The following GABRG1 variants were observed in gnomAD, a reference collection of about 807,000 sequenced individuals.
GABRG1 encodes gamma-aminobutyric acid receptor subunit gamma-1.
GABRG1 carries 49 observed loss-of-function variants against 49.8 expected under a neutral mutation model. That is an observed-to-expected ratio of 0.98 (90% CI 0.78 to 1.25). The LOEUF is 1.25. GABRG1 is among the 50% of genes most tolerant of loss of function. The pLI, the probability that GABRG1 is intolerant of heterozygous loss-of-function variation, is 0.00. For synonymous variants in GABRG1, 232 were observed against 185.1 expected, an observed-to-expected ratio of 1.25 and a Z score of -2.06; for missense variants, 552 against 552.3, an observed-to-expected ratio of 1.00 and a Z score of 0.01.
intron 3 of GABRG1, among the ~76,000 whole-genome samples, chr4:46,070,783 CT>C (rs1354355613): frequency 4.6e-5 from 7 of 152,198 alleles, no homozygotes; most frequent in African/African-American, 7.2e-5. Flanking sequence ...CAAAGGCAGT[CT>C]GCAGCCTGAG....
chr4:46,063,935 C>T (rs1718810247), intron 5 of GABRG1, among the ~76,000 whole-genome samples: 1 of 152,078 alleles, frequency 6.6e-6, no homozygotes. Flanking sequence ...ATGAATCAAT[C>T]TTTTTTAATT....
rs1577674851 is a variant in GABRG1, at chr4:46,119,349, AT to A, written c.104+4460del. On this transcript the variant is annotated intron_variant, in intron 1 of 8. Transcript: ENST00000295452. ...TGTTCATTGTTTTGACTTATATTGCATTCATAATCTGAGAGATGTGGTAGTT... is the reference window on the plus strand; with the variant it reads ...TGTTCATTGTTTTGACTTATATTGCATCATAATCTGAGAGATGTGGTAGTT... Among the ~76,000 whole-genome samples, 5 of 151,444 alleles carry A rather than the reference AT, an allele frequency of 3.3e-5. No individual in the cohort carries two copies. The East Asian group carries it at 9.7e-4, about 29-fold the overall frequency.
rs1206780349 is a variant in GABRG1 at position 46,036,718 on chromosome 4, T to A, written c.*4270A>T. The A allele has an allele frequency of 6.6e-6, 1 of 151,966 alleles. No homozygotes were observed. The highest frequency in any genetic ancestry group is 2.4e-5 in the African/African-American group (1 of 41,424). The allele number at this position is 151,966 out of a possible 1,614,324, so 9.4% of individuals were successfully genotyped here. On this transcript the variant is annotated 3_prime_UTR_variant, in exon 9 of 9. Transcript: ENST00000295452. The stretch of plus-strand genomic sequence containing the variant: ...CGGATTTCATCCTCATATTAGCCAC[T>A]ATAAGCTTATACGCCTAACTGGCTT...
Position 46,040,695 on chromosome 4 carries a change from A to G in GABRG1, c.*293T>C. 1.0e-5 allele frequency: 2 copies of G among 198,176 alleles called. No individual in the cohort carries two copies. The highest frequency in any genetic ancestry group is 2.0e-5 in the Non-Finnish European group (2 of 98,950). The allele number at this position is 198,176 out of a possible 1,614,324, so 12.3% of individuals were successfully genotyped here. Reference sequence around the variant, plus strand: ...TTATTCCATCTTTAAAACATGAATCATAGAACTTAAAAATTCAAAATTATA... The same window carrying G: ...TTATTCCATCTTTAAAACATGAATCGTAGAACTTAAAAATTCAAAATTATA... On this transcript the variant is annotated 3_prime_UTR_variant, in exon 9 of 9. Coordinates refer to ENST00000295452, the MANE Select transcript of GABRG1 (RefSeq NM_173536.4).
intron 1 of GABRG1, among the ~76,000 whole-genome samples, chr4:46,105,308 A>G (rs1720497263): frequency 6.6e-6 from 1 of 151,490 alleles, no homozygotes; most frequent in East Asian, 2.0e-4. Context: ...AAAGAAAACG[A>G]AAAAACCAAA....
intron 7 of GABRG1, among the ~76,000 whole-genome samples, chr4:46,056,912 A>C (rs1212474537): frequency 6.6e-6 from 1 of 152,064 alleles, no homozygotes; most frequent in Non-Finnish European, 1.5e-5. Flanking sequence ...TTTATGCAAA[A>C]ACGACTTCAC....
intron 3 of GABRG1, among the ~76,000 whole-genome samples, chr4:46,083,334 C>G (rs1469028997): frequency 6.6e-6 from 1 of 151,632 alleles, no homozygotes; most frequent in Non-Finnish European, 1.5e-5. Flanking sequence ...GGACTCTTAC[C>G]TCCATCTTCT....
At chr4:46,074,596 T>C (rs966520361) in intron 3 of GABRG1, among the ~76,000 whole-genome samples, 3 of 152,146 alleles carry the variant, frequency 2.0e-5, no homozygotes, top group African/African-American at 7.2e-5. Context: ...ATTTTTATTA[T>C]AACAAAATGT....
chr4:46,106,163 A>G (rs1288811610), intron 1 of GABRG1, among the ~76,000 whole-genome samples: 1 of 151,430 alleles, frequency 6.6e-6, no homozygotes, highest in African/African-American at 2.4e-5. Context: ...CTGAGCCCCA[A>G]AAGGTTAGCC....
intron 5 of GABRG1, among the ~76,000 whole-genome samples, chr4:46,061,426 C>T (rs1174560365): frequency 3.3e-5 from 5 of 151,896 alleles, no homozygotes; most frequent in Non-Finnish European, 7.4e-5. Context: ...TTACACTCTA[C>T]CAAATTCTAG....
intron 4 of GABRG1, among the ~76,000 whole-genome samples, chr4:46,064,970 C>T (rs66488261): frequency 0.055 from 8,354 of 152,122 alleles, 375 homozygotes; most frequent in African/African-American, 0.11. Flanking sequence ...CCTTATACAT[C>T]AACCTTCATT....
At chr4:46,103,125 C>T (rs776737587) in intron 1 of GABRG1, among the ~76,000 whole-genome samples, 26 of 151,476 alleles carry the variant, frequency 1.7e-4, no homozygotes, top group East Asian at 7.8e-4. Context: ...GGTTCTGACA[C>T]GGGAGGGAGC....
chr4:46,117,612 CTA>C (rs1192602783), intron 1 of GABRG1, among the ~76,000 whole-genome samples: 2 of 140,148 alleles, frequency 1.4e-5, no homozygotes, highest in African/African-American at 5.3e-5. Flanking sequence ...CTCTCTCTCT[CTA>C]TATATATATA....
At chr4:46,067,632 A>G (rs1318787213) in intron 3 of GABRG1, among the ~76,000 whole-genome samples, 10 of 152,122 alleles carry the variant, frequency 6.6e-5, no homozygotes, top group Admixed American at 6.6e-4. Context: ...GCAACTTAAT[A>G]TGGGATGGCA....
intron 8 of GABRG1, among the ~76,000 whole-genome samples, chr4:46,045,929 A>C (rs1717980677): frequency 6.6e-6 from 1 of 152,040 alleles, no homozygotes; most frequent in African/African-American, 2.4e-5. Context: ...CAGAAGAGCT[A>C]TTTTTTCTTT....
chr4:46,092,668 G>C (rs946844127), intron 2 of GABRG1, among the ~76,000 whole-genome samples: 2 of 151,782 alleles, frequency 1.3e-5, no homozygotes, highest in African/African-American at 4.8e-5. Context: ...TGCCAGACTT[G>C]ATAATTAGGA....
At chr4:46,109,850 A>AT (rs1030666336) in intron 1 of GABRG1, among the ~76,000 whole-genome samples, 2 of 150,990 alleles carry the variant, frequency 1.3e-5, no homozygotes, top group African/African-American at 4.8e-5. Flanking sequence ...ATTGATATCT[A>AT]TTTTTATTCC....
chr4:46,041,443 T>C (rs1717780565), intron 8 of GABRG1, among the ~76,000 whole-genome samples, 189 bp from the exon 9 acceptor site: 1 of 151,940 alleles, frequency 6.6e-6, no homozygotes, highest in Admixed American at 6.6e-5. Flanking sequence ...ATTTGTTACA[T>C]TCTATTAAGC....
At chr4:46,076,985 A>T (rs1203534145) in intron 3 of GABRG1, among the ~76,000 whole-genome samples, 1 of 151,628 alleles carries the variant, frequency 6.6e-6, no homozygotes, top group African/African-American at 2.4e-5. Flanking sequence ...ACTATTCCAC[A>T]TGTAAAATAA....
Sources: allele counts gnomAD v4.1 joint callset (sites outside exome capture counted in the v4.1 genomes callset), GRCh38; gene constraint gnomAD v4.1.1; transcripts MANE v1.5; gene names NCBI Gene and HGNC (gene_info 2026-07-23, HGNC 2026-07-21).